Variants in RPAP1 observed in about 807,000 individuals in gnomAD.
RPAP1 encodes RNA polymerase II-associated protein 1.
A neutral mutation model predicts 142.4 loss-of-function variants in RPAP1; 109 were observed. That is an observed-to-expected ratio of 0.77 (90% CI 0.66 to 0.90). The LOEUF is 0.90. RPAP1 is among the 40% of genes least tolerant of loss of function. The probability of loss-of-function intolerance (pLI) is 0.00; values close to 1 mark genes in which losing one functional copy is unlikely to be tolerated. For synonymous variants in RPAP1, 704 were observed against 738.9 expected, an observed-to-expected ratio of 0.95 and a Z score of 0.77; for missense variants, 1,546 against 1,751.7, an observed-to-expected ratio of 0.88 and a Z score of 2.10.
intron 9 of RPAP1, 120 bp downstream of exon 9, chr15:41,529,350 T>G: frequency 1.5e-6 from 1 of 667,080 alleles, no homozygotes; most frequent in Non-Finnish European, 2.6e-6. Context: ...AGAAACTGAA[T>G]GCACAGCAAA....
In RPAP1 at chr15:41,521,990, C is replaced by G; in HGVS notation, c.2895+108G>C. 2.6e-6 allele frequency: 4 copies of G among 1,561,668 alleles called. No individual in the cohort carries two copies. The South Asian group carries it at 3.5e-5, about 14-fold the overall frequency. On this transcript the variant is annotated intron_variant, in intron 20 of 24. Transcript: ENST00000304330. The stretch of plus-strand genomic sequence containing the variant: ...TGAAGGGCAGAGGTCCAGGGCATGT[C>G]TGGAGGAAAGTGGGAGCTGCATGGC...
intron 14 of RPAP1, among the ~76,000 whole-genome samples, chr15:41,525,487 C>T (rs1313553950): frequency 2.6e-5 from 4 of 151,228 alleles, no homozygotes; most frequent in East Asian, 2.0e-4. Flanking sequence ...TACAGGCATG[C>T]GCCACCATGC....
intron 21 of RPAP1, 27 bp from the exon 22 acceptor site, chr15:41,521,174 T>C (rs531493312): frequency 1.4e-4 from 209 of 1,509,260 alleles, no homozygotes; most frequent in Non-Finnish European, 1.8e-4. Flanking sequence ...AAGCCAAAAA[T>C]GAGGGCTGGA....
chr15:41,530,990 T>G (rs1188232739), intron 7 of RPAP1, 33 bp downstream of exon 7: 4 of 1,584,560 alleles, frequency 2.5e-6, no homozygotes, highest in Non-Finnish European at 3.5e-6. Flanking sequence ...CCTACTTTTA[T>G]CCACCAAAAT....
At chr15:41,537,298 A>C in intron 1 of RPAP1, 97 bp from the exon 2 acceptor site, 1 of 638,078 alleles carries the variant, frequency 1.6e-6, no homozygotes, top group South Asian at 2.0e-5. Flanking sequence ...GTTAACATGA[A>C]CTCATTCCTC....
chr15:41,524,795 C>T (rs1031123060), intron 15 of RPAP1, among the ~76,000 whole-genome samples, 196 bp downstream of exon 15: 2 of 152,088 alleles, frequency 1.3e-5, no homozygotes, highest in African/African-American at 2.4e-5. Flanking sequence ...GCATAGAATA[C>T]GGTTAAGCCA....
Position 41,527,278 on chromosome 15 carries a change from C to T in RPAP1, c.1635G>A (p.Leu545=), listed in dbSNP as rs753957916. The part of the protein sequence containing the change: ...VIKGLLATSL[L]PRLRYVLEVT... ...CCTCCAGCACGTAGCGCAGCCGAGG[C>T]AGCAGGCTGGTAGCCAGGAGCCCCT... Residue 545 remains leucine (L), a synonymous_variant, in exon 13 of 25, where the codon CTG becomes CTA. Coordinates refer to ENST00000304330, the MANE Select transcript of RPAP1 (RefSeq NM_015540.4). 6.2e-7 allele frequency: 1 copy of T among 1,614,190 alleles called. No individual in the cohort carries two copies. Among genetic ancestry groups the T allele is most frequent in the Non-Finnish European group, 8.5e-7 (1 of 1,180,038 alleles).
In RPAP1 at chr15:41,534,800, G is replaced by A; in HGVS notation, c.677C>T (p.Thr226Ile). The A allele has an allele frequency of 6.2e-7, 1 of 1,614,108 alleles. No individual in the cohort carries two copies. The highest frequency in any genetic ancestry group is 1.3e-5 in the African/African-American group (1 of 75,024). ...RDQEAEQEAQ[T>I]IHEENIARLQ... ...TCTTGCTATGTTCTCTTCATGGATAGTCTGGGCTTCCTGCTCAGCTTCTTG... is the reference window on the plus strand; with the variant it reads ...TCTTGCTATGTTCTCTTCATGGATAATCTGGGCTTCCTGCTCAGCTTCTTG... The change falls in exon 6 of 25, where the codon ACT becomes ATT. Residue 226 changes from threonine (T) to isoleucine (I), a missense_variant. Around this residue, in one of 3 missense-constraint regions of RPAP1, gnomAD observed 1,333 missense variants for 1,486.6 expected, o/e 0.90. Transcript: ENST00000304330.
intron 1 of RPAP1, among the ~76,000 whole-genome samples, chr15:41,541,604 T>G (rs1180400674): frequency 1.3e-5 from 2 of 152,026 alleles, no homozygotes; most frequent in Admixed American, 1.3e-4. Context: ...TCCCAGCACT[T>G]TGGGAGGCCA....
At chr15:41,529,164 G>A (rs1033473486) in intron 9 of RPAP1, among the ~76,000 whole-genome samples, 5 of 152,042 alleles carry the variant, frequency 3.3e-5, no homozygotes, top group African/African-American at 1.2e-4. Context: ...GTGAAACCCC[G>A]TCTCTACTAA....
At position 41,522,085 on chromosome 15, in the gene RPAP1, CAG is replaced by C. The variant is rs748161811; in HGVS notation, c.2895+11_2895+12del. 3.1e-6 allele frequency: 5 copies of C among 1,612,170 alleles called. No homozygotes were observed. The highest frequency in any genetic ancestry group is 2.7e-5 in the African/African-American group (2 of 74,860). ...TGGGATGACAGGAGAACCTGTCAGA[CAG>C]GGGGACCTACCGCTTTCTGGGCCAG... On this transcript the variant is annotated intron_variant, in intron 20 of 24. Coordinates refer to ENST00000304330, the MANE Select transcript of RPAP1 (RefSeq NM_015540.4).
rs1247893053 is a variant in RPAP1 at position 41,525,272 on chromosome 15, A to T, written c.1918-124T>A. 1.3e-5 allele frequency: 7 copies of T among 529,902 alleles called. No homozygotes were observed. The Admixed American group carries it at 2.3e-4, about 18-fold the overall frequency. 32.8% of individuals were successfully genotyped at this position (529,902 alleles called of 1,614,324 possible). Reference sequence around the variant, plus strand: ...GGCCCCTCTGGTGCCACAAAGTCATACCTCATCCACCCTGCCCTTCCTTCT... The same window carrying T: ...GGCCCCTCTGGTGCCACAAAGTCATTCCTCATCCACCCTGCCCTTCCTTCT... On this transcript the variant is annotated intron_variant, in intron 14 of 24. Transcript: ENST00000304330.
At chr15:41,536,868 C>A in intron 2 of RPAP1, 77 bp downstream of exon 2, 1 of 1,524,988 alleles carries the variant, frequency 6.6e-7, no homozygotes, top group South Asian at 1.2e-5. Context: ...GTGTCTGAAT[C>A]CAACCACAAC....
chr15:41,531,395 C>G (rs11855860), intron 6 of RPAP1, among the ~76,000 whole-genome samples, 193 bp from the exon 7 acceptor site: 17,082 of 151,678 alleles, frequency 0.11, 1,079 homozygotes, highest in East Asian at 0.29. Context: ...TGTGGGGTCA[C>G]TAGGCCCACC....
chr15:41,527,522 CTCA>C lies in RPAP1; in HGVS notation c.1509_1511del (p.Asp503del). On this transcript the variant is annotated inframe_deletion, in exon 12 of 25. Transcript: ENST00000304330. ...CTGCTGGGCATTCTTCATCCTCGTC[CTCA>C]TCCTCCTTGTCCTCCTGGCTGGGCA... 1 of 1,613,870 alleles carries C rather than the reference CTCA, an allele frequency of 6.2e-7. No individual in the cohort carries two copies. Among genetic ancestry groups the C allele is most frequent in the Non-Finnish European group, 8.5e-7 (1 of 1,179,798 alleles).
At chr15:41,541,175 C>T (rs1566891582) in intron 1 of RPAP1, among the ~76,000 whole-genome samples, 1 of 152,122 alleles carries the variant, frequency 6.6e-6, no homozygotes, top group African/African-American at 2.4e-5. Context: ...GTAATCCCAG[C>T]ACTTTGAGGC....
rs141840992 is a variant in RPAP1, at chr15:41,526,095, G to A, written c.1917+803C>T. ...CTCCCAAGTAGCTGGGACTACAGGCGCACACTATTATACCTGGCTAATTTT... is the reference window on the plus strand; with the variant it reads ...CTCCCAAGTAGCTGGGACTACAGGCACACACTATTATACCTGGCTAATTTT... On this transcript the variant is annotated intron_variant, in intron 14 of 24. Transcript: ENST00000304330. Among the ~76,000 whole-genome samples, 423 of 152,184 alleles carry A rather than the reference G, an allele frequency of 2.8e-3. 5 individuals carry two copies. The highest frequency in any genetic ancestry group is 6.3e-3 in the Admixed American group (97 of 15,290).
chr15:41,523,002 C>A, intron 18 of RPAP1, 42 bp from the exon 19 acceptor site: 1 of 1,470,888 alleles, frequency 6.8e-7, no homozygotes, highest in Admixed American at 2.6e-5. Context: ...TCTGGCCTGG[C>A]GTGTGCCAAG....
intron 14 of RPAP1, among the ~76,000 whole-genome samples, chr15:41,526,162 C>A (rs554787150): frequency 2.0e-5 from 3 of 152,314 alleles, no homozygotes; most frequent in African/African-American, 7.2e-5. Flanking sequence ...ATTGGCCAGG[C>A]TGGTCTCGAA....
Sources: allele counts gnomAD v4.1 joint callset (sites outside exome capture counted in the v4.1 genomes callset), GRCh38; gene constraint gnomAD v4.1.1; regional missense constraint gnomAD v4.1.1; transcripts MANE v1.5; gene names NCBI Gene and HGNC (gene_info 2026-07-23, HGNC 2026-07-21).